LMCD1: variants seen among roughly 807,000 people sequenced by gnomAD.
LMCD1 encodes the protein LIM and cysteine-rich domains protein 1.
A neutral mutation model predicts 42.7 loss-of-function variants in LMCD1; 32 were observed. The observed-to-expected ratio is 0.75, with a 90% confidence interval of 0.57 to 1.01. The LOEUF is 1.01. Ranked by LOEUF, LMCD1 falls within the 50% of genes least tolerant of loss-of-function variation. The pLI, the probability that LMCD1 is intolerant of heterozygous loss-of-function variation, is 0.00. For missense variants in LMCD1, 458 were observed against 483.1 expected (o/e 0.95, Z 0.49); for synonymous variants, 178 against 184.9 (o/e 0.96, Z 0.30).
At chr3:8,505,830 G>T (rs1638581577) in intron 1 of LMCD1, among the ~76,000 whole-genome samples, 1 of 152,122 alleles carries the variant, frequency 6.6e-6, no homozygotes, top group South Asian at 2.1e-4. Context: ...TCCACTTCCT[G>T]CAGTGTGCCA....
intron 3 of LMCD1, among the ~76,000 whole-genome samples, chr3:8,540,244 A>G (rs1383170006): frequency 6.6e-6 from 1 of 152,210 alleles, no homozygotes; most frequent in Non-Finnish European, 1.5e-5. Flanking sequence ...GAATTTTGCT[A>G]TCTCTCATCC....
intron 3 of LMCD1, among the ~76,000 whole-genome samples, chr3:8,547,807 A>C (rs1387677955): frequency 6.6e-6 from 1 of 151,820 alleles, no homozygotes; most frequent in African/African-American, 2.4e-5. Flanking sequence ...AATGGCGTGA[A>C]CCCGGGAGGC....
chr3:8,508,496 G>A (rs192910755), intron 1 of LMCD1, among the ~76,000 whole-genome samples: 2 of 152,268 alleles, frequency 1.3e-5, no homozygotes, highest in East Asian at 3.9e-4. Flanking sequence ...TCCTCCTCCT[G>A]TTTAAAAAAT....
rs1695197592 is a variant in LMCD1, at chr3:8,570,607, A to G, written c.*3009A>G. The G allele has an allele frequency of 6.6e-6, 1 of 152,034 alleles. No homozygotes were observed. Among genetic ancestry groups the G allele is most frequent in the Non-Finnish European group, 1.5e-5 (1 of 68,044 alleles). 9.4% of individuals were successfully genotyped at this position (152,034 alleles called of 1,614,324 possible). A position where few individuals can be genotyped will look rare whatever the true frequency, so the allele number is the denominator to read the frequency against. On this transcript the variant is annotated 3_prime_UTR_variant, in exon 6 of 6. Coordinates refer to ENST00000157600, the MANE Select transcript of LMCD1 (RefSeq NM_014583.4). Reference sequence around the variant, plus strand: ...TTCTCTCCATCCTCGCTTTCACTCCATCCCCAAAGTCATATCTCACCTTGA... The same window carrying G: ...TTCTCTCCATCCTCGCTTTCACTCCGTCCCCAAAGTCATATCTCACCTTGA...
intron 1 of LMCD1, among the ~76,000 whole-genome samples, chr3:8,507,961 G>A (rs1372241292): frequency 6.6e-6 from 1 of 152,162 alleles, no homozygotes; most frequent in Non-Finnish European, 1.5e-5. Context: ...CCCAGCATTT[G>A]CAAAATGTTG....
chr3:8,567,742 G>C lies in LMCD1; in HGVS notation c.*144G>C. On this transcript the variant is annotated 3_prime_UTR_variant, in exon 6 of 6. Transcript: ENST00000157600. ...CTTTTCAGTGAGAATATATATATGA[G>C]ATATATATAGATATATATTCTAGGT... is the stretch of plus-strand genomic sequence containing the variant. 4 of 623,266 alleles carry C rather than the reference G, an allele frequency of 6.4e-6. No individual in the cohort carries two copies. The highest frequency in any genetic ancestry group is 1.0e-5 in the Non-Finnish European group (4 of 401,300). The allele number at this position is 623,266 out of a possible 1,614,324, so 38.6% of individuals were successfully genotyped here. A position where few individuals can be genotyped will look rare whatever the true frequency, so the allele number is the denominator to read the frequency against.
intron 4 of LMCD1, among the ~76,000 whole-genome samples, chr3:8,553,601 C>CGGGCCCTACTGACGAGACG (rs762360411): frequency 6.6e-4 from 100 of 152,282 alleles, no homozygotes; most frequent in Non-Finnish European, 1.3e-3. Context: ...GGCCAGCAGA[C>CGGGCCCTACTGACGAGACG]GGGCCCTACT....
Position 8,548,769 on chromosome 3 carries a change from G to A in LMCD1, c.589G>A (p.Gly197Arg). The A allele has an allele frequency of 2.5e-6, 4 of 1,612,758 alleles. No individual in the cohort carries two copies. Among genetic ancestry groups the A allele is most frequent in the Non-Finnish European group, 3.4e-6 (4 of 1,178,856 alleles). ...KQYKSEALGV[G>R]EVALPGQGGL... is the part of the protein sequence containing the mutation. ...ATATAAGAGCGAGGCCCTCGGCGTG[G>A]GAGAAGTGGCCCTCCCGGGGCAGGG... The change falls in exon 4 of 6, where the codon GGA (glycine) becomes AGA (arginine). Residue 197 changes from glycine to arginine, a missense_variant. Gly to Arg is a moderately radical substitution (Grantham distance 125, BLOSUM62 -2). Coordinates refer to ENST00000157600, the MANE Select transcript of LMCD1 (RefSeq NM_014583.4).
At chr3:8,510,222 G>A (rs1403116454) in intron 1 of LMCD1, among the ~76,000 whole-genome samples, 1 of 152,180 alleles carries the variant, frequency 6.6e-6, no homozygotes, top group African/African-American at 2.4e-5. Flanking sequence ...AAGAGGTGAA[G>A]GCAAAGTAGA....
rs1317703191 is a variant in LMCD1 at position 8,556,940 on chromosome 3, G to T, written c.723+8037G>T. Reference sequence around the variant, plus strand: ...CCAAGAAGAAATGTAAGGTGAAGGGGTCAGTTAACAGTAGTGACCACCAAC... The same window carrying T: ...CCAAGAAGAAATGTAAGGTGAAGGGTTCAGTTAACAGTAGTGACCACCAAC... On this transcript the variant is annotated intron_variant, in intron 4 of 5. Transcript: ENST00000157600. Among the ~76,000 whole-genome samples the T allele has an allele frequency of 1.3e-5, 2 of 152,296 alleles. 1 individual carries two copies. Among genetic ancestry groups the T allele is most frequent in the Middle Eastern group, 6.8e-3 (2 of 294 alleles).
intron 4 of LMCD1, among the ~76,000 whole-genome samples, chr3:8,560,959 CGCTCAGAAACT>C (rs1456762928): frequency 6.6e-6 from 1 of 152,196 alleles, no homozygotes; most frequent in Non-Finnish European, 1.5e-5. Flanking sequence ...AGAGCTCCTA[CGCTCAGAAACT>C]GCTATCAGTA....
At chr3:8,538,615 G>A (rs920591382) in intron 3 of LMCD1, among the ~76,000 whole-genome samples, 5 of 152,132 alleles carry the variant, frequency 3.3e-5, no homozygotes, top group South Asian at 2.1e-4. Context: ...GCCTTCGCAC[G>A]TCCTGCTCCT....
chr3:8,533,631 A>G (rs1694455613), intron 2 of LMCD1, among the ~76,000 whole-genome samples: 1 of 152,224 alleles, frequency 6.6e-6, no homozygotes, highest in Non-Finnish European at 1.5e-5. Flanking sequence ...TTCCATTATG[A>G]GATGGGAATT....
At chr3:8,509,737 C>T (rs899891257) in intron 1 of LMCD1, among the ~76,000 whole-genome samples, 4 of 152,180 alleles carry the variant, frequency 2.6e-5, no homozygotes, top group Admixed American at 1.3e-4. Context: ...TTCCAGGACA[C>T]ACACCTTCAG....
At chr3:8,506,448 C>CT (rs1693882883) in intron 1 of LMCD1, among the ~76,000 whole-genome samples, 2 of 152,162 alleles carry the variant, frequency 1.3e-5, no homozygotes. Flanking sequence ...TGCACACAGG[C>CT]TTTTGTGTGT....
At chr3:8,536,958 A>G (rs1375746457) in intron 2 of LMCD1, among the ~76,000 whole-genome samples, 2 of 152,134 alleles carry the variant, frequency 1.3e-5, no homozygotes, top group African/African-American at 4.8e-5. Context: ...TACCAGCACA[A>G]GTTATATCCT....
chr3:8,535,693 G>T (rs1194224724), intron 2 of LMCD1, among the ~76,000 whole-genome samples: 1 of 152,170 alleles, frequency 6.6e-6, no homozygotes, highest in Non-Finnish European at 1.5e-5. Flanking sequence ...ACTCTCTTCT[G>T]CCCTGAATGT....
intron 3 of LMCD1, among the ~76,000 whole-genome samples, chr3:8,541,151 C>T (rs759066272): frequency 1.3e-5 from 2 of 152,154 alleles, no homozygotes; most frequent in South Asian, 4.1e-4. Flanking sequence ...CCTTCCCTTC[C>T]ACTTTGCTTT....
intron 4 of LMCD1, among the ~76,000 whole-genome samples, chr3:8,556,368 G>T (rs1694933437): frequency 1.3e-5 from 2 of 151,818 alleles, no homozygotes; most frequent in Non-Finnish European, 2.9e-5. Context: ...TTCAGGAGTA[G>T]TAAATATTTT....
Sources: gnomAD v4.1 joint callset for allele counts (sites outside exome capture counted in the v4.1 genomes callset) on GRCh38, gnomAD v4.1.1 for gene constraint, MANE v1.5 for transcripts, NCBI Gene and HGNC (gene_info 2026-07-23, HGNC 2026-07-21) for gene names.